C6: variants seen among roughly 807,000 people sequenced by gnomAD.
C6 encodes complement C6.
C6 carries 101 observed loss-of-function variants against 112.9 expected under a neutral mutation model. The ratio of observed to expected loss-of-function variants is 0.89; its 90% confidence interval spans 0.76 to 1.06. C6 has a LOEUF of 1.06. C6 is among the 50% of genes least tolerant of loss of function. The pLI is 0.00. For synonymous variants in C6, 431 were observed against 384.1 expected (o/e 1.12, Z -1.43); for missense variants, 1,202 against 1,104.6 (o/e 1.09, Z -1.25).
intron 1 of C6, among the ~76,000 whole-genome samples, chr5:41,206,008 C>T (rs1232545856): frequency 2.0e-5 from 3 of 152,204 alleles, no homozygotes; most frequent in African/African-American, 7.2e-5. Context: ...GGGTGCCCCT[C>T]TGAGACGAAG....
At chr5:41,191,067 C>CTTTTTTTTTTTTTTTT (rs142519688) in intron 5 of C6, among the ~76,000 whole-genome samples, 4 of 84,756 alleles carry the variant, frequency 4.7e-5, no homozygotes, top group Non-Finnish European at 8.3e-5. Flanking sequence ...ATGCCTTTGG[C>CTTTTTTTTTTTTTTTT]TTTTTTTTTT....
At chr5:41,234,179 A>G (rs1039984289) in intron 1 of C6, among the ~76,000 whole-genome samples, 1 of 152,038 alleles carries the variant, frequency 6.6e-6, no homozygotes, top group African/African-American at 2.4e-5. Flanking sequence ...TTTGAAGGAG[A>G]AAAGTAGAAA....
intron 1 of C6, among the ~76,000 whole-genome samples, chr5:41,209,534 A>C (rs1286475423): frequency 6.6e-6 from 1 of 152,228 alleles, no homozygotes; most frequent in Admixed American, 6.5e-5. Context: ...CTCAGGATAC[A>C]AAATCAATGT....
At chr5:41,148,390 T>A (rs1746050363) in intron 17 of C6, among the ~76,000 whole-genome samples, 1 of 152,226 alleles carries the variant, frequency 6.6e-6, no homozygotes, top group Non-Finnish European at 1.5e-5. Flanking sequence ...TTTAAAAATT[T>A]GTAGTATATA....
At chr5:41,198,375 A>G (rs1432492290) in intron 4 of C6, among the ~76,000 whole-genome samples, 1 of 152,150 alleles carries the variant, frequency 6.6e-6, no homozygotes, top group Non-Finnish European at 1.5e-5. Context: ...TCAATGGAAT[A>G]TTTAACAACC....
intron 1 of C6, among the ~76,000 whole-genome samples, chr5:41,207,177 C>G (rs141239861): frequency 1.3e-5 from 2 of 152,204 alleles, no homozygotes; most frequent in African/African-American, 4.8e-5. Context: ...AGGAAATGCT[C>G]AGAGATTTTT....
intron 4 of C6, 46 bp downstream of exon 4, chr5:41,199,721 TC>T: frequency 6.3e-7 from 1 of 1,586,340 alleles, no homozygotes; most frequent in South Asian, 1.1e-5. Context: ...TTTGATTTAG[TC>T]AAGCTATTTT....
At chr5:41,160,040 G>T in intron 11 of C6, 102 bp downstream of exon 11, 1 of 885,208 alleles carries the variant, frequency 1.1e-6, no homozygotes. Flanking sequence ...TGTACAAGGT[G>T]GAGGTTGCTA....
intron 1 of C6, among the ~76,000 whole-genome samples, chr5:41,260,630 T>A (rs1460322961): frequency 2.6e-5 from 4 of 151,430 alleles, no homozygotes; most frequent in Non-Finnish European, 5.9e-5. Flanking sequence ...AAAAATTAGG[T>A]GGGCATGGTG....
intron 2 of C6, among the ~76,000 whole-genome samples, chr5:41,202,129 T>C (rs1198273819): frequency 1.3e-5 from 2 of 151,956 alleles, no homozygotes; most frequent in Non-Finnish European, 2.9e-5. Flanking sequence ...GAGGACAACA[T>C]AGGGGGCTGT....
intron 1 of C6, among the ~76,000 whole-genome samples, chr5:41,250,145 G>T (rs56916114): frequency 0.01 from 1,529 of 152,292 alleles, 33 homozygotes; most frequent in African/African-American, 0.035. Context: ...CTCCGGCTTT[G>T]CAGCGTCACA....
chr5:41,143,028 C>T (rs369664996), intron 17 of C6, 22 bp from the exon 18 acceptor site: 7 of 1,597,804 alleles, frequency 4.4e-6, no homozygotes, highest in Non-Finnish European at 6.0e-6. Flanking sequence ...GAGAGAGAGA[C>T]AGTGTGACTT....
intron 6 of C6, among the ~76,000 whole-genome samples, chr5:41,182,483 T>G (rs1441945578): frequency 6.6e-6 from 1 of 152,210 alleles, no homozygotes; most frequent in African/African-American, 2.4e-5. Context: ...ATCTGTCCTG[T>G]AGTTATTCTA....
intron 7 of C6, 152 bp from the exon 8 acceptor site, chr5:41,176,867 T>A: frequency 1.3e-6 from 1 of 799,816 alleles, no homozygotes; most frequent in Non-Finnish European, 1.9e-6. Flanking sequence ...CGTACAAAAT[T>A]ATAATTTTCA....
chr5:41,213,425 G>A lies in C6; in HGVS notation c.-70C>T. On this transcript the variant is annotated 5_prime_UTR_variant, in exon 1 of 18. Transcript: ENST00000337836. ...TCGGACCTAAGCTGCAAATTATTGG[G>A]GAAAAAATAGGTATGCAGAATGAAG... 2 of 985,190 alleles carry A rather than the reference G, an allele frequency of 2.0e-6. No individual in the cohort carries two copies. The highest frequency in any genetic ancestry group is 9.4e-5 in the South Asian group (2 of 21,274). The allele number at this position is 985,190 out of a possible 1,614,324, so 61.0% of individuals were successfully genotyped here.
In C6 at chr5:41,158,776, T is replaced by C. The variant is rs1197622959; in HGVS notation, c.1866A>G (p.Pro622=). The change falls in exon 13 of 18, where the codon CCA becomes CCG. Residue 622 remains proline (P), a synonymous_variant. Coordinates refer to ENST00000337836, the MANE Select transcript of C6 (RefSeq NM_000065.5). Reference sequence around the variant, plus strand: ...TCATTTCTTCGTCATCATTGATACATGGTTGTCCACTAAAAGGGAAACATA... The same window carrying C: ...TCATTTCTTCGTCATCATTGATACACGGTTGTCCACTAAAAGGGAAACATA... ...TFSIMENNGQ[P]CINDDEEMKE... The C allele has an allele frequency of 1.3e-6, 2 of 1,569,070 alleles. No individual in the cohort carries two copies. The highest frequency in any genetic ancestry group is 1.8e-6 in the Non-Finnish European group (2 of 1,139,380).
chr5:41,214,962 C>A (rs974177591), upstream of C6, among the ~76,000 whole-genome samples: 1 of 152,138 alleles, frequency 6.6e-6, no homozygotes, highest in South Asian at 2.1e-4. Context: ...AGATGGAATG[C>A]GAATGTCTGT....
chr5:41,193,105 A>G (rs190550241), intron 5 of C6, among the ~76,000 whole-genome samples: 26 of 152,312 alleles, frequency 1.7e-4, no homozygotes, highest in Admixed American at 1.2e-3. Context: ...GATGCATATT[A>G]TATTCAAATA....
At chr5:41,159,426 C>T (rs1435416968) in intron 11 of C6, 173 bp from the exon 12 acceptor site, 2 of 983,834 alleles carry the variant, frequency 2.0e-6, no homozygotes, top group Admixed American at 6.2e-5. Context: ...TGACACATTG[C>T]CTGATTTCCT....
Sources: gnomAD v4.1 joint callset for allele counts (sites outside exome capture counted in the v4.1 genomes callset) on GRCh38, gnomAD v4.1.1 for gene constraint, MANE v1.5 for transcripts, NCBI Gene and HGNC (gene_info 2026-07-23, HGNC 2026-07-21) for gene names.